ROBO2: variants seen among roughly 807,000 people sequenced by gnomAD.
ROBO2 encodes the protein roundabout homolog 2.
In ROBO2, 53 loss-of-function variants were observed where a neutral mutation model predicts 160.8. That is an observed-to-expected ratio of 0.33 (90% confidence interval 0.26 to 0.41). The LOEUF is 0.41. Among genes scored for constraint, ROBO2 ranks in the 10% least tolerant of loss-of-function variants. The pLI, the probability that ROBO2 is intolerant of heterozygous loss-of-function variation, is 1.00. For synonymous variants in ROBO2, 664 were observed against 611.7 expected, an observed-to-expected ratio of 1.09 and a Z score of -1.26; for missense variants, 1,577 against 1,722.4, an observed-to-expected ratio of 0.92 and a Z score of 1.49.
At chr3:76,852,557 T>A (rs575990799) in intron 2 of ROBO2, among the ~76,000 whole-genome samples, 1 of 152,256 alleles carries the variant, frequency 6.6e-6, no homozygotes, top group South Asian at 2.1e-4. Flanking sequence ...ATTTAATTTG[T>A]CAGAAGAGGT....
chr3:77,522,941 G>A (rs2090764691), intron 6 of ROBO2, 39 bp downstream of exon 6: 2 of 1,605,946 alleles, frequency 1.2e-6, no homozygotes, highest in East Asian at 2.2e-5. Flanking sequence ...TGAACCAGGA[G>A]ACTAATATTT....
intron 2 of ROBO2, among the ~76,000 whole-genome samples, chr3:76,306,691 C>T (rs1462910017): frequency 6.6e-6 from 1 of 152,138 alleles, no homozygotes; most frequent in Non-Finnish European, 1.5e-5. Flanking sequence ...AGGATATAAG[C>T]ATTTTGATAA....
At chr3:76,073,520 T>C (rs1219436146) in intron 2 of ROBO2, among the ~76,000 whole-genome samples, 1 of 151,914 alleles carries the variant, frequency 6.6e-6, no homozygotes, top group Non-Finnish European at 1.5e-5. Context: ...CTCGATCTCC[T>C]GACCTCGTGA....
chr3:77,352,234 T>C (rs75743775), intron 2 of ROBO2, among the ~76,000 whole-genome samples: 1 of 54,542 alleles, frequency 1.8e-5, no homozygotes, highest in East Asian at 5.2e-4. Flanking sequence ...TTTTTTTTTC[T>C]GAAAAAAAAA....
chr3:76,890,133 G>T (rs139421716), intron 2 of ROBO2, among the ~76,000 whole-genome samples: 75 of 152,264 alleles, frequency 4.9e-4, no homozygotes, highest in African/African-American at 1.8e-3. Flanking sequence ...ATCATTCTGC[G>T]TTTGGAACAG....
intron 2 of ROBO2, among the ~76,000 whole-genome samples, chr3:76,084,109 T>C (rs2068928270): frequency 6.6e-6 from 1 of 152,170 alleles, no homozygotes; most frequent in South Asian, 2.1e-4. Flanking sequence ...TTGTGCTCTT[T>C]CGTGAGGGAA....
rs377718416 is a variant in ROBO2 at position 75,951,799 on chromosome 3, C to A, written c.109+14197C>A. Among the ~76,000 whole-genome samples, 31 of 152,126 alleles carry A rather than the reference C, an allele frequency of 2.0e-4. No homozygotes were observed. The East Asian group carries it at 2.7e-3, about 13-fold the overall frequency. On this transcript the variant is annotated intron_variant, in intron 2 of 26. Coordinates refer to the ROBO2 transcript ENST00000487694. Reference sequence around the variant, plus strand: ...AAGTTTTCCTTTCCATTTGAACATTCATGCAATAAAAATGTCCAAATCTTT... The same window carrying A: ...AAGTTTTCCTTTCCATTTGAACATTAATGCAATAAAAATGTCCAAATCTTT...
chr3:76,245,904 A>G (rs529169932), intron 2 of ROBO2, among the ~76,000 whole-genome samples: 8 of 152,282 alleles, frequency 5.3e-5, no homozygotes, highest in African/African-American at 1.9e-4. Flanking sequence ...ATTCTGGAGA[A>G]GTTTTCTACC....
chr3:77,432,781 A>G (rs959637523), intron 2 of ROBO2, among the ~76,000 whole-genome samples: 4 of 152,144 alleles, frequency 2.6e-5, no homozygotes, highest in South Asian at 4.1e-4. Flanking sequence ...GTAGAGATCA[A>G]TCAGGAATTC....
intron 2 of ROBO2, among the ~76,000 whole-genome samples, chr3:76,215,253 C>A (rs1200211563): frequency 6.6e-6 from 1 of 152,148 alleles, no homozygotes; most frequent in African/African-American, 2.4e-5. Context: ...AAATCGAGCA[C>A]CTCTCCTCCT....
At chr3:76,746,625 C>T (rs1025900704) in intron 2 of ROBO2, among the ~76,000 whole-genome samples, 4 of 152,152 alleles carry the variant, frequency 2.6e-5, no homozygotes, top group East Asian at 1.9e-4. Flanking sequence ...ACTGGCAAAC[C>T]GAATCCAGCA....
chr3:76,790,887 G>A (rs2108729857), intron 2 of ROBO2, among the ~76,000 whole-genome samples: 1 of 151,770 alleles, frequency 6.6e-6, no homozygotes, highest in South Asian at 2.1e-4. Flanking sequence ...CTACTTGTGT[G>A]ATCTTAGACA....
At chr3:77,221,775 C>CA (rs914676382) in intron 2 of ROBO2, among the ~76,000 whole-genome samples, 27 of 151,002 alleles carry the variant, frequency 1.8e-4, no homozygotes, top group East Asian at 5.8e-4. Context: ...AATAGTTGTC[C>CA]AAAAAAATAT....
At chr3:77,240,767 A>G (rs1324511028) in intron 2 of ROBO2, among the ~76,000 whole-genome samples, 2 of 152,262 alleles carry the variant, frequency 1.3e-5, no homozygotes. Context: ...AGAAAAGTTG[A>G]CATTTCTGCT....
exon 17 of ROBO2, chr3:77,588,757 G>T (rs377753892): frequency 6.2e-7 from 1 of 1,612,924 alleles, no homozygotes; most frequent in Non-Finnish European, 8.5e-7. Flanking sequence ...ATAGGGAGAC[G>T]CAATGAAGTT....
intron 16 of ROBO2, among the ~76,000 whole-genome samples, chr3:77,581,971 C>A (rs1022932988): frequency 6.6e-6 from 1 of 151,966 alleles, no homozygotes; most frequent in Admixed American, 6.6e-5. Flanking sequence ...TAAATTTACC[C>A]TTTATTATTA....
At chr3:76,775,660 C>T (rs1264718332) in intron 2 of ROBO2, among the ~76,000 whole-genome samples, 2 of 150,532 alleles carry the variant, frequency 1.3e-5, no homozygotes, top group Non-Finnish European at 3.0e-5. Flanking sequence ...CTGTCCATAG[C>T]ATTAACATCT....
intron 2 of ROBO2, among the ~76,000 whole-genome samples, chr3:76,948,791 C>T (rs187533183): frequency 0.027 from 3,822 of 142,106 alleles, 196 homozygotes; most frequent in African/African-American, 0.096. Flanking sequence ...GTGCAACCCC[C>T]GCCTCCCAGG....
chr3:76,655,097 T>G (rs1200687058), intron 2 of ROBO2, among the ~76,000 whole-genome samples: 2 of 150,868 alleles, frequency 1.3e-5, no homozygotes, highest in Non-Finnish European at 3.0e-5. Context: ...TTTTAAATTT[T>G]ATGAATAGTA....
Sources: allele counts gnomAD v4.1 joint callset (sites outside exome capture counted in the v4.1 genomes callset), GRCh38; gene constraint gnomAD v4.1.1; transcripts MANE v1.5; gene names NCBI Gene and HGNC (gene_info 2026-07-23, HGNC 2026-07-21).